MPDZ: variants seen among roughly 807,000 people sequenced by gnomAD.
The protein encoded by MPDZ is multiple PDZ domain crumbs cell polarity complex component.
MPDZ carries 234 observed loss-of-function variants against 239.1 expected under a neutral mutation model. The observed-to-expected ratio is 0.98, with a 90% CI of 0.88 to 1.09. The LOEUF (loss-of-function observed/expected upper bound fraction) is 1.09. Ranked by LOEUF, MPDZ falls within the 50% of genes least tolerant of loss-of-function variation. The probability of loss-of-function intolerance (pLI) is 0.00; values close to 1 mark genes in which losing one functional copy is unlikely to be tolerated. For missense variants in MPDZ, 3,175 were observed against 2,510.0 expected (o/e 1.26, Z -5.66); for synonymous variants, 1,048 against 881.3 (o/e 1.19, Z -3.35).
chr9:13,125,040 T>G (rs2131747365), intron 35 of MPDZ, among the ~76,000 whole-genome samples, 176 bp downstream of exon 35: 1 of 152,190 alleles, frequency 6.6e-6, no homozygotes, highest in Non-Finnish European at 1.5e-5. Context: ...TGCCTAACAG[T>G]CCAGTACTCT....
At chr9:13,141,929 C>A (rs1228454793) in intron 27 of MPDZ, among the ~76,000 whole-genome samples, 2 of 151,988 alleles carry the variant, frequency 1.3e-5, no homozygotes, top group African/African-American at 2.4e-5. Flanking sequence ...AAATGCTGTG[C>A]CATAAATGTC....
chr9:13,242,923 T>G (rs1390078391), intron 3 of MPDZ, among the ~76,000 whole-genome samples: 1 of 152,174 alleles, frequency 6.6e-6, no homozygotes, highest in Non-Finnish European at 1.5e-5. Flanking sequence ...GTCACGACAG[T>G]AAGAACTAAC....
rs754155368 is a variant in MPDZ, at chr9:13,147,646, C to A, written c.3643G>T (p.Asp1215Tyr). The A allele has an allele frequency of 2.5e-6, 4 of 1,611,632 alleles. No homozygotes were observed. The East Asian group carries it at 8.9e-5, about 36-fold the overall frequency. ...GDRIVEVDGM[D>Y]LRDASHEQAV... ...TGTTCATGGCTTGCATCTCTGAGGT[C>A]CATTCCATCCACCTGCAATGGAAGG... Residue 1215 changes from aspartate (D) to tyrosine (Y), a missense_variant, in exon 26 of 47, where the codon GAC (aspartate) becomes TAC (tyrosine). Asp to Tyr is a radical substitution (Grantham distance 160). Transcript: ENST00000319217.
At chr9:13,186,147 T>C (rs1954063598) in intron 18 of MPDZ, 123 bp downstream of exon 18, 1 of 471,332 alleles carries the variant, frequency 2.1e-6, no homozygotes, top group Non-Finnish European at 3.5e-6. Flanking sequence ...GGAGAAAACA[T>C]GTTTATCTTT....
intron 24 of MPDZ, 115 bp from the exon 25 acceptor site, chr9:13,150,803 G>GA: frequency 8.2e-6 from 5 of 606,088 alleles, no homozygotes; most frequent in South Asian, 8.8e-5. Context: ...GAGAACAAAA[G>GA]AAAAAATAGA....
In MPDZ at chr9:13,247,660, G is replaced by A; in HGVS notation, c.158C>T (p.Thr53Ile). Residue 53 changes from threonine (T) to isoleucine (I), a missense_variant, in exon 3 of 47, where the codon ACT becomes ATT. Transcript: ENST00000319217. Reference protein sequence around the residue: ...PLFSQILSLQTSVQQLKDQVN... With the variant: ...PLFSQILSLQISVQQLKDQVN... ...CTGGTCTTTCAGCTGCTGTACAGAA[G>A]TCTGAAGGCTCAGAATCTGACTGAA... 6.2e-7 allele frequency: 1 copy of A among 1,613,312 alleles called. No individual in the cohort carries two copies.
chr9:13,267,272 T>C (rs1295667259), intron 1 of MPDZ, among the ~76,000 whole-genome samples: 4 of 152,202 alleles, frequency 2.6e-5, no homozygotes, highest in Admixed American at 6.5e-5. Context: ...ATGAAACCAT[T>C]TGTTTATAAT....
At chr9:13,139,658 T>C (rs764319696) in intron 28 of MPDZ, among the ~76,000 whole-genome samples, 2 of 152,182 alleles carry the variant, frequency 1.3e-5, no homozygotes, top group Non-Finnish European at 2.9e-5. Context: ...ATGAGGAATC[T>C]GATGCCCAGA....
chr9:13,158,657 G>A (rs112496378), intron 23 of MPDZ, among the ~76,000 whole-genome samples: 8 of 152,230 alleles, frequency 5.3e-5, no homozygotes, highest in Admixed American at 1.3e-4. Context: ...CCCATCCAGA[G>A]GAACCTGGCA....
chr9:13,176,007 C>G, intron 20 of MPDZ, 129 bp downstream of exon 20: 1 of 1,407,894 alleles, frequency 7.1e-7, no homozygotes, highest in Non-Finnish European at 9.4e-7. Context: ...AAAACAAGTT[C>G]ATAGGTTGCC....
intron 1 of MPDZ, among the ~76,000 whole-genome samples, chr9:13,268,087 G>A (rs1972151841): frequency 6.6e-6 from 1 of 151,832 alleles, no homozygotes; most frequent in African/African-American, 2.4e-5. Context: ...ATTAGCAACA[G>A]TATTAGCATC....
At chr9:13,244,932 A>G (rs1300395347) in intron 3 of MPDZ, among the ~76,000 whole-genome samples, 1 of 152,130 alleles carries the variant, frequency 6.6e-6, no homozygotes, top group Non-Finnish European at 1.5e-5. Context: ...AGACTGATGG[A>G]GAGGGAGAAT....
chr9:13,151,700 G>C (rs1949195635), intron 24 of MPDZ, among the ~76,000 whole-genome samples: 1 of 152,050 alleles, frequency 6.6e-6, no homozygotes. Context: ...GATGAAAAAA[G>C]TTCTGTAGCT....
In MPDZ at chr9:13,138,009, T is replaced by C. The variant is rs2132356130; in HGVS notation, c.4148A>G (p.Asn1383Ser). The change falls in exon 29 of 47, where the codon AAT (asparagine) becomes AGT (serine). Residue 1383 changes from asparagine to serine, a missense_variant. By Grantham distance (46) the Asn-to-Ser change is conservative. Transcript: ENST00000319217. ...TCGACCATCTTTTCCTGCAGCTCCATTTGGATCAATCCCCACTATGAAGAC... is the reference window on the plus strand; with the variant it reads ...TCGACCATCTTTTCCTGCAGCTCCACTTGGATCAATCCCCACTATGAAGAC... ...MSVFIVGIDP[N>S]GAAGKDGRLQ... 3.7e-6 allele frequency: 6 copies of C among 1,613,828 alleles called. No homozygotes were observed. Among genetic ancestry groups the C allele is most frequent in the Non-Finnish European group, 5.1e-6 (6 of 1,179,786 alleles).
intron 25 of MPDZ, among the ~76,000 whole-genome samples, chr9:13,148,390 G>A (rs1036664913): frequency 1.6e-4 from 25 of 151,974 alleles, no homozygotes; most frequent in African/African-American, 6.0e-4. Flanking sequence ...TAGGATGTTA[G>A]TATCATTTTA....
chr9:13,160,962 T>A (rs963296717), intron 23 of MPDZ, among the ~76,000 whole-genome samples: 1 of 148,932 alleles, frequency 6.7e-6, no homozygotes, highest in Admixed American at 6.8e-5. Flanking sequence ...GCATAGGTTA[T>A]GTGCGAATAC....
chr9:13,245,726 G>C (rs1024392423), intron 3 of MPDZ, among the ~76,000 whole-genome samples: 4 of 152,024 alleles, frequency 2.6e-5, no homozygotes, highest in Non-Finnish European at 5.9e-5. Flanking sequence ...AGTTGGTCTC[G>C]GTCTCAACAA....
intron 1 of MPDZ, among the ~76,000 whole-genome samples, chr9:13,269,659 T>C (rs1474370399): frequency 1.3e-5 from 2 of 152,208 alleles, no homozygotes; most frequent in South Asian, 2.1e-4. Flanking sequence ...ATAAAAGAAG[T>C]ATTTTTCATA....
chr9:13,110,534 A>T, intron 44 of MPDZ, 102 bp downstream of exon 44: 1 of 798,910 alleles, frequency 1.3e-6, no homozygotes, highest in South Asian at 1.6e-5. Context: ...TATTAAATAA[A>T]ATAATAGCAG....
Sources: gnomAD v4.1 joint callset for allele counts (sites outside exome capture counted in the v4.1 genomes callset) on GRCh38, gnomAD v4.1.1 for gene constraint, MANE v1.5 for transcripts, NCBI Gene and HGNC (gene_info 2026-07-23, HGNC 2026-07-21) for gene names.